Variants in CNTN5 observed in about 807,000 individuals in gnomAD.
The protein encoded by CNTN5 is contactin 5, also known as contactin-5.
Under a neutral mutation model 129.1 loss-of-function variants are expected in CNTN5, and 77 were observed. The observed-to-expected ratio is 0.60, with a 90% CI of 0.50 to 0.72. The LOEUF (loss-of-function observed/expected upper bound fraction) is 0.72, where lower values mean the gene tolerates loss of function less well. Ranked by LOEUF, CNTN5 falls within the 30% of genes least tolerant of loss-of-function variation. CNTN5 has a pLI of 0.00. For synonymous variants in CNTN5, 509 were observed against 465.6 expected, an observed-to-expected ratio of 1.09 and a Z score of -1.20; for missense variants, 1,478 against 1,328.8, an observed-to-expected ratio of 1.11 and a Z score of -1.75.
chr11:100,273,902 CAA>C (rs752016542), intron 18 of CNTN5, among the ~76,000 whole-genome samples: 58 of 152,208 alleles, frequency 3.8e-4, no homozygotes, highest in Non-Finnish European at 6.6e-4. Context: ...AAAAAAGAGT[CAA>C]AATAGAGAAG....
At chr11:99,863,607 T>C (rs1407171185) in intron 6 of CNTN5, among the ~76,000 whole-genome samples, 3 of 152,144 alleles carry the variant, frequency 2.0e-5, no homozygotes, top group African/African-American at 7.2e-5. Flanking sequence ...CTATTGTAAT[T>C]AATTGTTGTA....
intron 3 of CNTN5, among the ~76,000 whole-genome samples, chr11:99,685,867 TTTTCCTTC>T (rs1953768187): frequency 6.6e-6 from 1 of 152,058 alleles, no homozygotes; most frequent in Non-Finnish European, 1.5e-5. Context: ...TATACTCCTT[TTTTCCTTC>T]TTCATGTAAA....
chr11:99,178,547 C>A (rs185764321), intron 1 of CNTN5, among the ~76,000 whole-genome samples: 1 of 151,968 alleles, frequency 6.6e-6, no homozygotes, highest in East Asian at 1.9e-4. Context: ...AACCTAGCAT[C>A]TTTAGAGACA....
At chr11:99,114,188 C>T (rs993836799) in intron 1 of CNTN5, among the ~76,000 whole-genome samples, 3 of 147,816 alleles carry the variant, frequency 2.0e-5, no homozygotes, top group Non-Finnish European at 3.0e-5. Context: ...CCATTTCAGC[C>T]TTTGTCTTTC....
At chr11:100,231,193 G>A (rs994698364) in intron 16 of CNTN5, among the ~76,000 whole-genome samples, 1 of 152,146 alleles carries the variant, frequency 6.6e-6, no homozygotes, top group African/African-American at 2.4e-5. Flanking sequence ...ATCCATCAAA[G>A]GATCACAGCA....
chr11:99,447,103 T>C (rs1394921903), intron 2 of CNTN5, among the ~76,000 whole-genome samples: 1 of 152,222 alleles, frequency 6.6e-6, no homozygotes, highest in Non-Finnish European at 1.5e-5. Context: ...ACATCAGCAT[T>C]ATCACTTACT....
At chr11:99,568,441 G>T (rs1224524360) in intron 3 of CNTN5, among the ~76,000 whole-genome samples, 1 of 152,144 alleles carries the variant, frequency 6.6e-6, no homozygotes, top group East Asian at 1.9e-4. Context: ...CTTGCTTATG[G>T]TAAGAATTGT....
At chr11:99,819,042 C>G (rs1371088468) in intron 3 of CNTN5, among the ~76,000 whole-genome samples, 1 of 151,854 alleles carries the variant, frequency 6.6e-6, no homozygotes, top group East Asian at 1.9e-4. Context: ...AAATGAAGTT[C>G]CTATCTATGT....
intron 6 of CNTN5, among the ~76,000 whole-genome samples, chr11:99,892,389 G>A (rs1949086251): frequency 6.6e-6 from 1 of 152,140 alleles, no homozygotes; most frequent in Admixed American, 6.6e-5. Flanking sequence ...TTTTAGTCAT[G>A]AAGTCTTTGC....
chr11:100,181,574 T>A (rs1054919503), intron 13 of CNTN5, among the ~76,000 whole-genome samples: 7 of 151,832 alleles, frequency 4.6e-5, no homozygotes, highest in African/African-American at 1.7e-4. Context: ...CACAAATAAG[T>A]CAAACTGGAA....
chr11:100,312,825 C>G (rs2138935428), intron 21 of CNTN5, among the ~76,000 whole-genome samples: 1 of 152,066 alleles, frequency 6.6e-6, no homozygotes, highest in South Asian at 2.1e-4. Context: ...TTTCAGCTGC[C>G]CCTCTTATTT....
chr11:99,126,913 C>T (rs757104107), intron 1 of CNTN5, among the ~76,000 whole-genome samples: 8 of 152,124 alleles, frequency 5.3e-5, no homozygotes, highest in Non-Finnish European at 1.2e-4. Flanking sequence ...CATCACTTTA[C>T]AAAATGTCAG....
intron 10 of CNTN5, among the ~76,000 whole-genome samples, chr11:100,067,367 C>G (rs1027334021): frequency 4.0e-5 from 6 of 151,834 alleles, no homozygotes; most frequent in Non-Finnish European, 4.4e-5. Flanking sequence ...TTTGTTTGGA[C>G]TTGCTTGAAA....
intron 13 of CNTN5, among the ~76,000 whole-genome samples, chr11:100,166,355 A>T (rs1237319653): frequency 6.6e-6 from 1 of 151,754 alleles, no homozygotes; most frequent in Admixed American, 6.6e-5. Flanking sequence ...AAAATGTTCC[A>T]TGTAAACATC....
intron 1 of CNTN5, among the ~76,000 whole-genome samples, chr11:99,278,657 T>C (rs79246094): frequency 1.3e-5 from 2 of 151,776 alleles, no homozygotes; most frequent in East Asian, 3.9e-4. Flanking sequence ...ACAAAAGCAT[T>C]GCTATCCGCA....
intron 3 of CNTN5, among the ~76,000 whole-genome samples, chr11:99,793,065 A>ATTT (rs34583185): frequency 5.6e-5 from 8 of 142,662 alleles, no homozygotes; most frequent in Non-Finnish European, 7.7e-5. Context: ...TATCTTATTA[A>ATTT]TTTTTTTTTT....
At chr11:99,303,081 A>G (rs1191378232) in intron 1 of CNTN5, among the ~76,000 whole-genome samples, 4 of 151,756 alleles carry the variant, frequency 2.6e-5, no homozygotes, top group African/African-American at 9.7e-5. Context: ...GTCATTATTC[A>G]TGTTTTTGCA....
intron 13 of CNTN5, among the ~76,000 whole-genome samples, chr11:100,188,927 A>C (rs1454467750): frequency 6.6e-6 from 1 of 152,184 alleles, no homozygotes; most frequent in African/African-American, 2.4e-5. Flanking sequence ...TGTCCTTTGT[A>C]ACAACATGGA....
intron 9 of CNTN5, among the ~76,000 whole-genome samples, chr11:100,054,389 CATTT>C: frequency 6.6e-6 from 1 of 151,880 alleles, no homozygotes. Context: ...TTTCTATTTT[CATTT>C]ATTCTCCCAA....
Sources: gnomAD v4.1 joint callset for allele counts (sites outside exome capture counted in the v4.1 genomes callset) on GRCh38, gnomAD v4.1.1 for gene constraint, MANE v1.5 for transcripts, NCBI Gene and HGNC (gene_info 2026-07-23, HGNC 2026-07-21) for gene names.